Variants in TMEM87A observed in about 807,000 individuals in gnomAD.
The protein encoded by TMEM87A is transmembrane protein 87A.
Under a neutral mutation model 90.0 loss-of-function variants are expected in TMEM87A, and 50 were observed. That is an observed-to-expected ratio of 0.56 (90% CI 0.44 to 0.70). The LOEUF (loss-of-function observed/expected upper bound fraction) is 0.70, where lower values mean the gene tolerates loss of function less well. Ranked by LOEUF, TMEM87A falls within the 30% of genes least tolerant of loss-of-function variation. TMEM87A has a pLI of 0.00. For missense variants in TMEM87A, 577 were observed against 660.5 expected, an observed-to-expected ratio of 0.87 and a Z score of 1.39; for synonymous variants, 226 against 226.7, an observed-to-expected ratio of 1.00 and a Z score of 0.03.
At chr15:42,270,891 G>A (rs1056399188) in intron 2 of TMEM87A, among the ~76,000 whole-genome samples, 12 of 152,142 alleles carry the variant, frequency 7.9e-5, no homozygotes, top group African/African-American at 2.9e-4. Flanking sequence ...ATGTAAGCTC[G>A]ATGAGGGAAG....
intron 4 of TMEM87A, among the ~76,000 whole-genome samples, chr15:42,261,700 C>T (rs2051295897): frequency 6.9e-6 from 1 of 145,916 alleles, no homozygotes; most frequent in Admixed American, 7.0e-5. Flanking sequence ...GTGGTGTTAT[C>T]TCGGCTCACT....
At chr15:42,258,297 A>C (rs1337163268) in intron 6 of TMEM87A, 1 of 711,064 alleles carries the variant, frequency 1.4e-6, no homozygotes, top group Non-Finnish European at 1.7e-6. Context: ...GCCCATATAC[A>C]AAAGAATAGG....
intron 6 of TMEM87A, among the ~76,000 whole-genome samples, chr15:42,260,203 C>A (rs1004354147): frequency 2.4e-4 from 36 of 152,028 alleles, no homozygotes; most frequent in Non-Finnish European, 4.4e-5. Context: ...TGAGACCCAA[C>A]CCCCACAAAA....
intron 1 of TMEM87A, chr15:42,272,814 C>A (rs1319522844): frequency 5.1e-6 from 2 of 394,758 alleles, no homozygotes; most frequent in Admixed American, 3.4e-5. Context: ...CGAACCATCT[C>A]GTAAGCAGAA....
At position 42,237,511 on chromosome 15, in the gene TMEM87A, A is replaced by C; in HGVS notation, c.789T>G (p.Gly263=). The C allele has an allele frequency of 6.2e-7, 1 of 1,614,134 alleles. No individual in the cohort carries two copies. Among genetic ancestry groups the C allele is most frequent in the Non-Finnish European group, 8.5e-7 (1 of 1,180,030 alleles). ...RDLLRIQFWI[G]AVIFLGMLEK... Reference sequence around the variant, plus strand: ...CAAGCATTCCCAGGAAGATGACAGCACCAATCCAAAACTGAATTCTCAGGA... The same window carrying C: ...CAAGCATTCCCAGGAAGATGACAGCCCCAATCCAAAACTGAATTCTCAGGA... The change falls in exon 9 of 20, where the codon GGT becomes GGG. Residue 263 remains glycine (G), a synonymous_variant. Coordinates refer to ENST00000389834, the MANE Select transcript of TMEM87A (RefSeq NM_015497.5).
In TMEM87A at chr15:42,239,656, A is replaced by G; in HGVS notation, c.684+14T>C. 6.2e-7 allele frequency: 1 copy of G among 1,609,526 alleles called. No homozygotes were observed. Among genetic ancestry groups the G allele is most frequent in the African/African-American group, 1.3e-5 (1 of 74,958 alleles). On this transcript the variant is annotated intron_variant, in intron 8 of 19. Transcript: ENST00000389834. ...CCATCCAATACTGAGGTTAAATAAT[A>G]TAAAGTCACTTACAATCATCAAGGG...
chr15:42,273,514 T>G, upstream of TMEM87A: 1 of 1,497,946 alleles, frequency 6.7e-7, no homozygotes, highest in Non-Finnish European at 8.9e-7. Context: ...GTCGCGGAGC[T>G]TGTTTGCTGT....
intron 19 of TMEM87A, among the ~76,000 whole-genome samples, chr15:42,211,950 G>A (rs974284486): frequency 6.6e-6 from 1 of 152,088 alleles, no homozygotes. Context: ...TAAATCAAAA[G>A]CTCTAGGCTT....
chr15:42,252,138 CCAGTACAGTCTGTCA>C (rs1290719811), intron 6 of TMEM87A, among the ~76,000 whole-genome samples: 7 of 152,304 alleles, frequency 4.6e-5, no homozygotes, highest in African/African-American at 1.7e-4. Context: ...CCCAGTTTTC[CCAGTACAGTCTGTCA>C]CGGCTTCCCT....
intron 11 of TMEM87A, 24 bp downstream of exon 11, chr15:42,233,189 A>C: frequency 6.3e-7 from 1 of 1,577,628 alleles, no homozygotes; most frequent in Non-Finnish European, 8.7e-7. Context: ...CTGACCACAG[A>C]AAATGAGATT....
intron 5 of TMEM87A, 73 bp downstream of exon 5, chr15:42,261,123 A>G: frequency 1.3e-6 from 2 of 1,558,110 alleles, no homozygotes; most frequent in African/African-American, 1.4e-5. Flanking sequence ...TTAGAGATGC[A>G]GTGAGCACGG....
At chr15:42,231,285 T>C (rs2050682412) in intron 11 of TMEM87A, 25 bp from the exon 12 acceptor site, 1 of 1,543,100 alleles carries the variant, frequency 6.5e-7, no homozygotes, top group African/African-American at 1.4e-5. Flanking sequence ...AAAGAAGTGG[T>C]GAAAAACAGA....
chr15:42,241,326 T>C (rs2050862758), intron 7 of TMEM87A, among the ~76,000 whole-genome samples: 1 of 152,086 alleles, frequency 6.6e-6, no homozygotes, highest in Non-Finnish European at 1.5e-5. Flanking sequence ...GAAGGATAAG[T>C]AGAGAACTAT....
intron 3 of TMEM87A, among the ~76,000 whole-genome samples, chr15:42,267,718 T>A (rs2140990138): frequency 6.6e-6 from 1 of 152,344 alleles, no homozygotes; most frequent in South Asian, 2.1e-4. Context: ...TCTAATAGCA[T>A]AACCCACATG....
chr15:42,222,839 C>A (rs1340356204), intron 15 of TMEM87A, among the ~76,000 whole-genome samples: 2 of 152,164 alleles, frequency 1.3e-5, no homozygotes, highest in African/African-American at 4.8e-5. Flanking sequence ...GGATTACAGG[C>A]ATGAGCCATA....
At chr15:42,224,249 A>G (rs373576527) in intron 15 of TMEM87A, among the ~76,000 whole-genome samples, 9 of 152,244 alleles carry the variant, frequency 5.9e-5, no homozygotes, top group African/African-American at 1.9e-4. Flanking sequence ...CAACAGAGAC[A>G]GTATGTGATT....
chr15:42,221,123 G>A (rs796621435), intron 15 of TMEM87A, among the ~76,000 whole-genome samples: 5 of 152,240 alleles, frequency 3.3e-5, no homozygotes, highest in South Asian at 2.1e-4. Flanking sequence ...GAGCCACCGC[G>A]CCTGGCCGAA....
At chr15:42,247,960 T>C (rs949440001) in intron 6 of TMEM87A, among the ~76,000 whole-genome samples, 1 of 152,140 alleles carries the variant, frequency 6.6e-6, no homozygotes, top group Non-Finnish European at 1.5e-5. Flanking sequence ...CTTTTATTTC[T>C]TTGAGCAGTG....
intron 8 of TMEM87A, among the ~76,000 whole-genome samples, chr15:42,239,385 TA>T (rs768568288): frequency 1.4e-4 from 21 of 152,070 alleles, no homozygotes; most frequent in Non-Finnish European, 2.5e-4. Flanking sequence ...AGAGTTGTAG[TA>T]AAAAGTGCCC....
Sources: allele counts gnomAD v4.1 joint callset (sites outside exome capture counted in the v4.1 genomes callset), GRCh38; gene constraint gnomAD v4.1.1; transcripts MANE v1.5; gene names NCBI Gene and HGNC (gene_info 2026-07-23, HGNC 2026-07-21).